The following ZNF385D variants were observed in gnomAD, a reference collection of about 807,000 sequenced individuals.
The protein encoded by ZNF385D is zinc finger protein 659.
In ZNF385D, 15 loss-of-function variants were observed where a neutral mutation model predicts 35.8. The observed-to-expected ratio is 0.42, with a 90% CI of 0.28 to 0.64. ZNF385D has a LOEUF of 0.64. ZNF385D is among the 30% of genes least tolerant of loss of function. ZNF385D has a pLI of 0.23. For missense variants in ZNF385D, 474 were observed against 494.6 expected (o/e 0.96, Z 0.39); for synonymous variants, 212 against 186.8 (o/e 1.13, Z -1.10).
chr3:22,335,582 T>C (rs908772605), intron 2 of ZNF385D, among the ~76,000 whole-genome samples: 1 of 152,156 alleles, frequency 6.6e-6, no homozygotes, highest in Non-Finnish European at 1.5e-5. Context: ...ACAACAGTTT[T>C]CCATGTTGTA....
intron 3 of ZNF385D, among the ~76,000 whole-genome samples, chr3:21,824,665 G>T (rs1333452196): frequency 6.6e-6 from 1 of 151,990 alleles, no homozygotes; most frequent in Admixed American, 6.6e-5. Flanking sequence ...TGATGAAGTT[G>T]AATAGAAACT....
Position 21,989,732 on chromosome 3 carries a change from T to G in ZNF385D, c.325+179085A>C, listed in dbSNP as rs1286340245. On this transcript the variant is annotated intron_variant, in intron 3 of 5. Coordinates refer to the ZNF385D transcript ENST00000494108. ...AGTCTTGTAAGTATGTAATTACCTT[T>G]GAATGTTCTCCTCATCTAAGCGCAT... Among the ~76,000 whole-genome samples the G allele has an allele frequency of 2.6e-5, 4 of 152,228 alleles. No homozygotes were observed. In the East Asian group the frequency reaches 7.7e-4, roughly 29 times the overall value.
intron 5 of ZNF385D, among the ~76,000 whole-genome samples, chr3:21,431,486 G>T (rs953295627): frequency 1.3e-5 from 2 of 152,058 alleles, no homozygotes; most frequent in African/African-American, 4.8e-5. Context: ...GTAGCCATTA[G>T]CCATGTGTAG....
intron 3 of ZNF385D, among the ~76,000 whole-genome samples, chr3:22,007,351 T>A (rs952292955): frequency 2.6e-5 from 4 of 152,226 alleles, no homozygotes; most frequent in African/African-American, 9.6e-5. Flanking sequence ...GGAATAACAG[T>A]CTTGCGTAAG....
At chr3:21,809,096 A>T (rs2072786539) in intron 3 of ZNF385D, among the ~76,000 whole-genome samples, 1 of 152,190 alleles carries the variant, frequency 6.6e-6, no homozygotes, top group Non-Finnish European at 1.5e-5. Flanking sequence ...AAAAATGTCA[A>T]CAGGATTTGA....
At chr3:22,060,392 C>G (rs890225039) in intron 3 of ZNF385D, among the ~76,000 whole-genome samples, 1 of 152,152 alleles carries the variant, frequency 6.6e-6, no homozygotes, top group South Asian at 2.1e-4. Context: ...AAGTGAATTT[C>G]AATCAACCAT....
intron 3 of ZNF385D, among the ~76,000 whole-genome samples, chr3:21,934,729 G>A (rs939058627): frequency 6.6e-6 from 1 of 152,162 alleles, no homozygotes; most frequent in South Asian, 2.1e-4. Flanking sequence ...TTCAGTTAAG[G>A]ATTAATTAAG....
At chr3:21,633,988 G>C (rs1272176457) in intron 2 of ZNF385D, among the ~76,000 whole-genome samples, 1 of 151,910 alleles carries the variant, frequency 6.6e-6, no homozygotes, top group Non-Finnish European at 1.5e-5. Flanking sequence ...TTGAGCCCAG[G>C]AGTTCAAGAA....
At chr3:21,887,638 T>C (rs1433311960) in intron 3 of ZNF385D, among the ~76,000 whole-genome samples, 2 of 152,146 alleles carry the variant, frequency 1.3e-5, no homozygotes, top group South Asian at 2.1e-4. Flanking sequence ...AAAAACAAAA[T>C]AGGTAATAAG....
intron 1 of ZNF385D, among the ~76,000 whole-genome samples, chr3:21,693,077 A>G (rs1010453346): frequency 6.6e-6 from 1 of 152,208 alleles, no homozygotes; most frequent in African/African-American, 2.4e-5. Flanking sequence ...TTGTACCCAG[A>G]GAACTCCTTG....
intron 3 of ZNF385D, among the ~76,000 whole-genome samples, chr3:22,069,816 G>A (rs931720312): frequency 6.6e-6 from 1 of 152,194 alleles, no homozygotes; most frequent in Non-Finnish European, 1.5e-5. Flanking sequence ...GAAATAGTCA[G>A]ACCCAAGCCA....
At chr3:21,920,171 C>T (rs1486385398) in intron 3 of ZNF385D, among the ~76,000 whole-genome samples, 1 of 152,144 alleles carries the variant, frequency 6.6e-6, no homozygotes, top group Non-Finnish European at 1.5e-5. Context: ...AAACTATGTA[C>T]CATCTGGCCA....
intron 2 of ZNF385D, among the ~76,000 whole-genome samples, chr3:21,569,922 A>AGGGGGGGGG (rs1575210384): frequency 1.6e-4 from 18 of 115,320 alleles, no homozygotes; most frequent in African/African-American, 2.8e-4. Flanking sequence ...GTGGGGGGGC[A>AGGGGGGGGG]GGGAGGGATA....
chr3:21,764,074 G>C (rs980127350), intron 3 of ZNF385D, among the ~76,000 whole-genome samples: 1 of 152,098 alleles, frequency 6.6e-6, no homozygotes, highest in Admixed American at 6.6e-5. Context: ...TGGATAATCA[G>C]GGAGATTAGA....
At chr3:22,150,947 A>G (rs1413918548) in intron 3 of ZNF385D, among the ~76,000 whole-genome samples, 2 of 152,160 alleles carry the variant, frequency 1.3e-5, no homozygotes, top group Non-Finnish European at 2.9e-5. Flanking sequence ...GAGTGTTGAA[A>G]AGAAAGGATG....
chr3:22,235,015 C>T (rs189833822), intron 2 of ZNF385D, among the ~76,000 whole-genome samples: 4 of 152,038 alleles, frequency 2.6e-5, no homozygotes, highest in Admixed American at 2.6e-4. Context: ...ATCTCAACCA[C>T]ATAAAGAGAA....
rs138054101 is a variant in ZNF385D at position 22,104,945 on chromosome 3, T to C, written c.325+63872A>G. On this transcript the variant is annotated intron_variant, in intron 3 of 5. Transcript: ENST00000494108. ...ACGGTCAATGTTTTACTGAAGCTTG[T>C]TGCAACTTGCCACAACGTCTTTACA... Among the ~76,000 whole-genome samples the C allele has an allele frequency of 8.1e-3, 1,231 of 152,260 alleles. 9 individuals are homozygous for C. Among genetic ancestry groups the C allele is most frequent in the Middle Eastern group, 0.014 (4 of 294 alleles).
chr3:21,935,600 T>G (rs1701219729), intron 3 of ZNF385D, among the ~76,000 whole-genome samples: 2 of 152,182 alleles, frequency 1.3e-5, no homozygotes, highest in Admixed American at 1.3e-4. Context: ...ATCAATTTCC[T>G]ATCTGTCCAC....
intron 3 of ZNF385D, among the ~76,000 whole-genome samples, chr3:21,926,431 A>C (rs1417439377): frequency 6.6e-6 from 1 of 152,166 alleles, no homozygotes; most frequent in Non-Finnish European, 1.5e-5. Flanking sequence ...GATGGTTTCC[A>C]GCTTAATCCA....
Sources: allele counts gnomAD v4.1 joint callset (sites outside exome capture counted in the v4.1 genomes callset), GRCh38; gene constraint gnomAD v4.1.1; transcripts MANE v1.5; gene names NCBI Gene and HGNC (gene_info 2026-07-23, HGNC 2026-07-21).